The following SEC22B variants were observed in gnomAD, a reference collection of about 807,000 sequenced individuals.
SEC22B encodes SEC22 homolog B, vesicle trafficking protein, also known as vesicle-trafficking protein SEC22b.
In SEC22B, 10 loss-of-function variants were observed where a neutral mutation model predicts 31.4. That is an observed-to-expected ratio of 0.32 (90% CI 0.20 to 0.54). SEC22B has a LOEUF of 0.54. SEC22B is among the 20% of genes least tolerant of loss of function. The pLI, the probability that SEC22B is intolerant of heterozygous loss-of-function variation, is 0.94. For missense variants in SEC22B, 130 were observed against 263.4 expected, an observed-to-expected ratio of 0.49 and a Z score of 3.50; for synonymous variants, 60 against 95.9, an observed-to-expected ratio of 0.63 and a Z score of 2.19.
At position 120,151,704 on chromosome 1, in the gene SEC22B, G is replaced by A. The variant is rs1553228738; in HGVS notation, c.*5334C>T. The A allele has an allele frequency of 6.6e-6, 1 of 151,608 alleles. No homozygotes were observed. The highest frequency in any genetic ancestry group is 1.5e-5 in the Non-Finnish European group (1 of 67,972). 9.4% of individuals were successfully genotyped at this position (151,608 alleles called of 1,614,324 possible). A position where few individuals can be genotyped will look rare whatever the true frequency, so the allele number is the denominator to read the frequency against. On this transcript the variant is annotated 3_prime_UTR_variant, in exon 5 of 5. Coordinates refer to ENST00000578049, the MANE Select transcript of SEC22B (RefSeq NM_004892.6). ...TATTATCCATGGTATTATCATGGTA[G>A]TACTGACTAAAAGAGGGACATGTGT...
intron 4 of SEC22B, chr1:120,159,538 T>C (rs1280568631): frequency 1.3e-5 from 2 of 148,550 alleles, no homozygotes; most frequent in Non-Finnish European, 3.0e-5. Flanking sequence ...ATATATTTAA[T>C]ATATATTAAA....
In SEC22B at chr1:120,152,254, G is replaced by T. The variant is rs1553228847; in HGVS notation, c.*4784C>A. The T allele has an allele frequency of 6.7e-6, 1 of 150,372 alleles. No individual in the cohort carries two copies. The highest frequency in any genetic ancestry group is 1.5e-5 in the Non-Finnish European group (1 of 67,768). The allele number at this position is 150,372 out of a possible 1,614,324, so 9.3% of individuals were successfully genotyped here. On this transcript the variant is annotated 3_prime_UTR_variant, in exon 5 of 5. Transcript: ENST00000578049. ...GGCATATCTTCTTTGGCTAACATAT[G>T]CAGACTAAAATGAAAGAGTATAGTA...
rs1222586493 is a variant in SEC22B, at chr1:120,152,964, G to A, written c.*4074C>T. 6.7e-6 allele frequency: 1 copy of A among 149,084 alleles called. No homozygotes were observed. The highest frequency in any genetic ancestry group is 1.5e-5 in the Non-Finnish European group (1 of 67,818). 9.2% of individuals were successfully genotyped at this position (149,084 alleles called of 1,614,324 possible). A position where few individuals can be genotyped will look rare whatever the true frequency, so the allele number is the denominator to read the frequency against. ...TACCAGCAAAATGCCTTACACTTAC[G>A]GCTCAAAAAATGAAGGAAATGAGAG... On this transcript the variant is annotated 3_prime_UTR_variant, in exon 5 of 5. Coordinates refer to ENST00000578049, the MANE Select transcript of SEC22B (RefSeq NM_004892.6).
rs1316864030 is a variant in SEC22B at position 120,160,534 on chromosome 1, G to C, written c.347-4C>G. ...TTGGTTTTCTGAATGAAAGTATCTA[G>C]AATGATGAAGAAAACTGACCATTTC... On this transcript the variant is annotated splice_polypyrimidine_tract_variant and splice_region_variant and intron_variant, in intron 3 of 4. Coordinates refer to ENST00000578049, the MANE Select transcript of SEC22B (RefSeq NM_004892.6). 5.1e-6 allele frequency: 8 copies of C among 1,559,826 alleles called. No homozygotes were observed. Among genetic ancestry groups the C allele is most frequent in the Non-Finnish European group, 6.1e-6 (7 of 1,153,066 alleles).
intron 1 of SEC22B, among the ~76,000 whole-genome samples, chr1:120,174,172 T>C (rs1657924785): frequency 6.6e-6 from 1 of 151,854 alleles, no homozygotes; most frequent in South Asian, 2.1e-4. Context: ...AGGCAAGTGA[T>C]CTATCCTCTC....
intron 2 of SEC22B, among the ~76,000 whole-genome samples, chr1:120,165,454 A>C (rs1657791150): frequency 6.6e-6 from 1 of 152,152 alleles, no homozygotes; most frequent in Admixed American, 6.6e-5. Context: ...TTAGGCTACT[A>C]AGTGGTTTTC....
chr1:120,170,902 C>G (rs1657885703), intron 1 of SEC22B, among the ~76,000 whole-genome samples: 1 of 133,722 alleles, frequency 7.5e-6, no homozygotes, highest in Admixed American at 6.8e-5. Flanking sequence ...CTGAAGAGAT[C>G]TGAACCCACA....
At chr1:120,165,538 T>C (rs1249712468) in intron 2 of SEC22B, among the ~76,000 whole-genome samples, 8 of 152,148 alleles carry the variant, frequency 5.3e-5, no homozygotes, top group Non-Finnish European at 1.0e-4. Flanking sequence ...TATGTATATA[T>C]AACAAGCAAA....
chr1:120,175,631 T>C (rs1427824547), intron 1 of SEC22B, among the ~76,000 whole-genome samples: 38 of 152,358 alleles, frequency 2.5e-4, no homozygotes, highest in Middle Eastern at 3.4e-3. Flanking sequence ...AGTATACTTT[T>C]GAGCACCTAC....
chr1:120,164,119 C>CCAGCTAATT (rs1657767645), intron 2 of SEC22B, among the ~76,000 whole-genome samples: 1 of 148,622 alleles, frequency 6.7e-6, no homozygotes, highest in Non-Finnish European at 1.5e-5. Context: ...ACCACCACAC[C>CCAGCTAATT]CAGCTAATTT....
chr1:120,163,945 CTTTT>C lies in SEC22B; in HGVS notation c.186-579_186-576del, dbSNP rs1169530604. On this transcript the variant is annotated intron_variant, in intron 2 of 4. Transcript: ENST00000578049. ...TATAATTTTTCATCCATTAGATTCT[CTTTT>C]TTTTTTTTTTTTTTTTTTTTGGAGA... Among the ~76,000 whole-genome samples the C allele has an allele frequency of 2.6e-4, 18 of 68,916 alleles. No homozygotes were observed. The East Asian group carries it at 6.1e-3, about 23-fold the overall frequency. The allele number at this position is 68,916 out of a possible 152,430, so 45.2% of individuals were successfully genotyped here.
chr1:120,167,093 A>G (rs1350179487), intron 2 of SEC22B, among the ~76,000 whole-genome samples: 1 of 150,782 alleles, frequency 6.6e-6, no homozygotes, highest in Non-Finnish European at 1.5e-5. Flanking sequence ...AATATTAATA[A>G]TACAGCTGTC....
intron 3 of SEC22B, among the ~76,000 whole-genome samples, chr1:120,162,966 CAGAA>C (rs1657743271): frequency 1.3e-5 from 2 of 151,968 alleles, no homozygotes; most frequent in Non-Finnish European, 2.9e-5. Flanking sequence ...AACCAAATAA[CAGAA>C]AGGGCAAAAG....
rs1657636587 is a variant in SEC22B, at chr1:120,156,876, G to C, written c.*162C>G. 2.3e-6 allele frequency: 1 copy of C among 439,428 alleles called. No homozygotes were observed. Among genetic ancestry groups the C allele is most frequent in the Non-Finnish European group, 3.9e-6 (1 of 259,252 alleles). The allele number at this position is 439,428 out of a possible 1,614,324, so 27.2% of individuals were successfully genotyped here. On this transcript the variant is annotated 3_prime_UTR_variant, in exon 5 of 5. Transcript: ENST00000578049. ...TACATAGGGTTAAGCTTCATTAAATGAGGTGCAACCTTTCATTTTCAGGGC... is the reference window on the plus strand; with the variant it reads ...TACATAGGGTTAAGCTTCATTAAATCAGGTGCAACCTTTCATTTTCAGGGC...
At chr1:120,160,900 A>AC (rs1439725609) in intron 3 of SEC22B, among the ~76,000 whole-genome samples, 37 of 150,846 alleles carry the variant, frequency 2.5e-4, no homozygotes, top group African/African-American at 6.1e-4. Context: ...TCAAAAACAA[A>AC]AAAAAAAAAA....
At chr1:120,168,408 A>C (rs1220221915) in intron 2 of SEC22B, among the ~76,000 whole-genome samples, 1 of 152,142 alleles carries the variant, frequency 6.6e-6, no homozygotes, top group African/African-American at 2.4e-5. Flanking sequence ...TGTGTCAGAC[A>C]AGATGCTAAG....
chr1:120,163,240 C>A lies in SEC22B; in HGVS notation c.316G>T (p.Val106Leu). 6.3e-7 allele frequency: 1 copy of A among 1,589,064 alleles called. No homozygotes were observed. Among genetic ancestry groups the A allele is most frequent in the Non-Finnish European group, 8.6e-7 (1 of 1,163,848 alleles). Residue 106 changes from valine (V) to leucine (L), a missense_variant, in exon 3 of 5, where the codon GTG (valine) becomes TTG (leucine). Around this residue, in one of 4 missense-constraint regions of SEC22B, gnomAD observed 41 missense variants for 124.9 expected, o/e 0.33. Coordinates refer to ENST00000578049, the MANE Select transcript of SEC22B (RefSeq NM_004892.6). ...DEQHGKKVPT[V>L]SRPYSFIEFD... ...TCAATAAAGGAATAGGGTCGGGACACAGTGGGCACCTTCTTTCCATGCTGT... is the reference window on the plus strand; with the variant it reads ...TCAATAAAGGAATAGGGTCGGGACAAAGTGGGCACCTTCTTTCCATGCTGT...
At chr1:120,163,945 C>CTCTCTCT (rs1246293032) in intron 2 of SEC22B, among the ~76,000 whole-genome samples, 1 of 68,934 alleles carries the variant, frequency 1.5e-5, no homozygotes, top group African/African-American at 6.5e-5. Context: ...ATTAGATTCT[C>CTCTCTCT]TTTTTTTTTT....
chr1:120,169,381 A>C (rs1465233767), intron 1 of SEC22B, among the ~76,000 whole-genome samples: 35 of 152,146 alleles, frequency 2.3e-4, no homozygotes, highest in Non-Finnish European at 3.5e-4. Flanking sequence ...CAAGTGTTAC[A>C]GTTTTTAGCA....
Sources: allele counts gnomAD v4.1 joint callset (sites outside exome capture counted in the v4.1 genomes callset), GRCh38; gene constraint gnomAD v4.1.1; regional missense constraint gnomAD v4.1.1; transcripts MANE v1.5; gene names NCBI Gene and HGNC (gene_info 2026-07-23, HGNC 2026-07-21).